PDE1C: variants seen among roughly 807,000 people sequenced by gnomAD.
PDE1C encodes phosphodiesterase 1C.
Under a neutral mutation model 93.1 loss-of-function variants are expected in PDE1C, and 62 were observed. The ratio of observed to expected loss-of-function variants is 0.67; its 90% CI spans 0.54 to 0.82. The LOEUF (loss-of-function observed/expected upper bound fraction) is 0.82, where lower values mean the gene tolerates loss of function less well. Among genes scored for constraint, PDE1C ranks in the 40% least tolerant of loss-of-function variants. The pLI is 0.00. For synonymous variants in PDE1C, 325 were observed against 310.1 expected, an observed-to-expected ratio of 1.05 and a Z score of -0.50; for missense variants, 742 against 884.6, an observed-to-expected ratio of 0.84 and a Z score of 2.04.
At chr7:31,825,059 C>A in intron 12 of PDE1C, 72 bp from the exon 13 acceptor site, 1 of 1,588,126 alleles carries the variant, frequency 6.3e-7, no homozygotes, top group Non-Finnish European at 8.6e-7. Context: ...CCAGAAGAAA[C>A]TGATCTAGAA....
chr7:31,698,826 AAGAGATATTTAAGC>A, the PDE1C span, among the ~76,000 whole-genome samples: 1 of 152,210 alleles, frequency 6.6e-6, no homozygotes, highest in Admixed American at 6.5e-5. Context: ...CTTTCCGAGG[AAGAGATATTTAAGC>A]AGAGACCTCA....
At chr7:32,383,380 T>C (rs1250186120) in intron 1 of PDE1C, among the ~76,000 whole-genome samples, 1 of 152,246 alleles carries the variant, frequency 6.6e-6, no homozygotes, top group Admixed American at 6.5e-5. Flanking sequence ...ATTTAATTGC[T>C]GTGTGACTTT....
In PDE1C at chr7:32,420,233, A is replaced by G. The variant is rs1335819207; in HGVS notation, c.310+7589T>C. ...TATATGTATATATACATATATATGTATATATATGTGTATATATATACATGT... is the reference window on the plus strand; with the variant it reads ...TATATGTATATATACATATATATGTGTATATATGTGTATATATATACATGT... On this transcript the variant is annotated intron_variant, in intron 1 of 1. Coordinates refer to the PDE1C transcript ENST00000672256. Among the ~76,000 whole-genome samples, 9 of 43,448 alleles carry G rather than the reference A, an allele frequency of 2.1e-4. 3 individuals carry two copies. The highest frequency in any genetic ancestry group is 3.7e-4 in the Non-Finnish European group (8 of 21,382). 28.5% of individuals were successfully genotyped at this position (43,448 alleles called of 152,430 possible). A position where few individuals can be genotyped will look rare whatever the true frequency, so the allele number is the denominator to read the frequency against.
At chr7:31,733,192 C>T in the PDE1C span, among the ~76,000 whole-genome samples, 1 of 152,188 alleles carries the variant, frequency 6.6e-6, no homozygotes. Flanking sequence ...CTTGCCGTCA[C>T]CTAATACCTC....
intron 3 of PDE1C, among the ~76,000 whole-genome samples, chr7:32,100,415 A>G (rs1797984013): frequency 6.6e-6 from 1 of 152,142 alleles, no homozygotes; most frequent in South Asian, 2.1e-4. Flanking sequence ...TAAATTACAC[A>G]CTCATGCCAT....
chr7:31,941,006 G>A (rs144717678), intron 2 of PDE1C, among the ~76,000 whole-genome samples: 3 of 151,986 alleles, frequency 2.0e-5, no homozygotes, highest in African/African-American at 7.2e-5. Flanking sequence ...CCTCATTTCT[G>A]CACATGACAG....
At chr7:31,992,504 C>T (rs912875651) in intron 2 of PDE1C, among the ~76,000 whole-genome samples, 1 of 152,188 alleles carries the variant, frequency 6.6e-6, no homozygotes, top group African/African-American at 2.4e-5. Flanking sequence ...ATGCTGAGAC[C>T]TCAGTGGGAT....
chr7:32,123,344 A>C (rs1563331864), intron 3 of PDE1C, among the ~76,000 whole-genome samples: 1 of 152,068 alleles, frequency 6.6e-6, no homozygotes, highest in Non-Finnish European at 1.5e-5. Context: ...GAAGAGACTT[A>C]TTTCTAACTC....
intron 2 of PDE1C, among the ~76,000 whole-genome samples, chr7:32,002,472 A>C (rs898428588): frequency 2.0e-5 from 3 of 152,198 alleles, no homozygotes; most frequent in African/African-American, 4.8e-5. Flanking sequence ...TCATCTGTGA[A>C]AATGGGGTGA....
intron 2 of PDE1C, among the ~76,000 whole-genome samples, chr7:31,966,515 C>A (rs561890249): frequency 2.6e-4 from 39 of 152,210 alleles, no homozygotes; most frequent in African/African-American, 8.7e-4. Flanking sequence ...TAATGGGAGA[C>A]TTTAACACCC....
At chr7:32,061,549 C>T (rs1465655609) in intron 1 of PDE1C, among the ~76,000 whole-genome samples, 1 of 152,252 alleles carries the variant, frequency 6.6e-6, no homozygotes, top group Admixed American at 6.5e-5. Context: ...TCACTTGGCC[C>T]TTCTGCAGTG....
intron 8 of PDE1C, among the ~76,000 whole-genome samples, chr7:31,848,637 T>C (rs1336037460): frequency 6.6e-6 from 1 of 152,206 alleles, no homozygotes; most frequent in East Asian, 1.9e-4. Context: ...TGTCAGTTTT[T>C]AGTTCCTATC....
At chr7:32,064,368 T>G (rs1053195862) in intron 1 of PDE1C, among the ~76,000 whole-genome samples, 1 of 152,156 alleles carries the variant, frequency 6.6e-6, no homozygotes, top group Admixed American at 6.5e-5. Context: ...TAACACCAAA[T>G]TCACTGAGAC....
intron 14 of PDE1C, among the ~76,000 whole-genome samples, chr7:31,817,100 C>A (rs542673558): frequency 2.1e-4 from 32 of 152,170 alleles, no homozygotes; most frequent in African/African-American, 7.5e-4. Context: ...AAACAAATGA[C>A]TAAGATACTT....
chr7:32,328,447 C>T (rs542293122), intron 1 of PDE1C, among the ~76,000 whole-genome samples: 2 of 152,310 alleles, frequency 1.3e-5, no homozygotes, highest in Non-Finnish European at 2.9e-5. Context: ...GAAGCACAGC[C>T]TCCAAGTCCC....
chr7:31,639,421 A>T, the PDE1C span, among the ~76,000 whole-genome samples: 2 of 100,250 alleles, frequency 2.0e-5, no homozygotes, highest in East Asian at 5.9e-4. Flanking sequence ...TTTCATCTCT[A>T]GACATTCAAT....
At chr7:31,878,659 C>T (rs1796887385) in intron 4 of PDE1C, among the ~76,000 whole-genome samples, 1 of 152,150 alleles carries the variant, frequency 6.6e-6, no homozygotes, top group Admixed American at 6.5e-5. Context: ...AACCTCAAAG[C>T]ATCCCAGATC....
In PDE1C at chr7:32,414,626, C is replaced by G. The variant is rs922896031; in HGVS notation, c.310+13196G>C. Among the ~76,000 whole-genome samples, 221 of 152,308 alleles carry G rather than the reference C, an allele frequency of 1.5e-3. 2 individuals are homozygous for G. The highest frequency in any genetic ancestry group is 2.6e-4 in the Non-Finnish European group (18 of 68,026). On this transcript the variant is annotated intron_variant, in intron 1 of 1. Coordinates refer to the PDE1C transcript ENST00000672256. ...TGGCATTTGGTAGCATCAAGTATCT[C>G]CTTTCCAGCTGATCAGAATGGCAAC...
At chr7:31,820,096 T>C (rs761566869) in intron 14 of PDE1C, among the ~76,000 whole-genome samples, 1 of 152,074 alleles carries the variant, frequency 6.6e-6, no homozygotes, top group Admixed American at 6.6e-5. Context: ...AAACGAATCA[T>C]ATACTGTAAA....
Sources: allele counts gnomAD v4.1 joint callset (sites outside exome capture counted in the v4.1 genomes callset), GRCh38; gene constraint gnomAD v4.1.1; transcripts MANE v1.5; gene names NCBI Gene and HGNC (gene_info 2026-07-23, HGNC 2026-07-21).